PROM1: variants seen among roughly 807,000 people sequenced by gnomAD.
PROM1 encodes prominin 1, also known as prominin-1.
Under a neutral mutation model 116.9 loss-of-function variants are expected in PROM1, and 105 were observed. That is an observed-to-expected ratio of 0.90 (90% CI 0.77 to 1.06). PROM1 has a LOEUF of 1.06. PROM1 is among the 50% of genes least tolerant of loss of function. PROM1 has a pLI of 0.00. For synonymous variants in PROM1, 393 were observed against 387.0 expected (o/e 1.02, Z -0.18); for missense variants, 1,122 against 1,045.2 (o/e 1.07, Z -1.01).
At chr4:16,063,188 G>T (rs1008375915) in intron 2 of PROM1, among the ~76,000 whole-genome samples, 1 of 152,290 alleles carries the variant, frequency 6.6e-6, no homozygotes, top group South Asian at 2.1e-4. Context: ...ACACCATAAA[G>T]GTGCAACCAG....
chr4:16,083,765 C>G (rs1391218307), intron 1 of PROM1: 1 of 152,164 alleles, frequency 6.6e-6, no homozygotes, highest in Non-Finnish European at 1.5e-5. Context: ...TATGACCCGG[C>G]TTCTGGGACC....
intron 13 of PROM1, among the ~76,000 whole-genome samples, chr4:16,004,461 A>G (rs1724652086): frequency 6.6e-6 from 1 of 152,172 alleles, no homozygotes; most frequent in South Asian, 2.1e-4. Flanking sequence ...AAAAAGTGTG[A>G]ATAAAATTTC....
At chr4:15,973,739 A>G (rs2148990003) in intron 26 of PROM1, among the ~76,000 whole-genome samples, 1 of 152,164 alleles carries the variant, frequency 6.6e-6, no homozygotes, top group Admixed American at 6.6e-5. Context: ...TGGTCTTTCC[A>G]CCCGTTTTGG....
intron 23 of PROM1, among the ~76,000 whole-genome samples, chr4:15,983,486 G>A (rs1439754196): frequency 1.3e-5 from 2 of 152,198 alleles, no homozygotes; most frequent in Non-Finnish European, 1.5e-5. Context: ...AGGTCTTAAA[G>A]TGGGGAGTGG....
At chr4:15,973,544 G>A (rs777608760) in intron 26 of PROM1, among the ~76,000 whole-genome samples, 1 of 152,094 alleles carries the variant, frequency 6.6e-6, no homozygotes, top group Non-Finnish European at 1.5e-5. Context: ...TATTTTGTTG[G>A]GCCCCCATGG....
intron 2 of PROM1, among the ~76,000 whole-genome samples, chr4:16,052,004 G>A (rs908286164): frequency 2.0e-5 from 3 of 152,140 alleles, no homozygotes; most frequent in Admixed American, 2.0e-4. Context: ...AAAAGGGAGG[G>A]AATGAAATGC....
chr4:15,978,673 C>T (rs978476710), intron 26 of PROM1, among the ~76,000 whole-genome samples: 2 of 152,188 alleles, frequency 1.3e-5, no homozygotes, highest in Non-Finnish European at 2.9e-5. Context: ...GGAGCACTGG[C>T]GGGCCAGCTG....
rs142552664 is a variant in PROM1 at position 16,035,695 on chromosome 4, C to A, written c.303+40G>T. On this transcript the variant is annotated intron_variant, in intron 4 of 27. Coordinates refer to ENST00000447510, the MANE Select transcript of PROM1 (RefSeq NM_006017.3). ...AGGATGACAGTGAAGAACAGAAAGG[C>A]TTTCCAAGAGCAACTTGAAATAGCA... The A allele has an allele frequency of 1.7e-4, 275 of 1,578,066 alleles. No homozygotes were observed. In the African/African-American group the frequency reaches 3.4e-3, roughly 19 times the overall value.
At position 15,991,286 on chromosome 4, in the gene PROM1, T is replaced by A; in HGVS notation, c.1919A>T (p.Lys640Ile). 1 of 1,601,862 alleles carries A rather than the reference T, an allele frequency of 6.2e-7. No individual in the cohort carries two copies. Among genetic ancestry groups the A allele is most frequent in the South Asian group, 1.1e-5 (1 of 88,044 alleles). Reference sequence around the variant, plus strand: ...TAAAAGATTCACTCCTGCGGGGGATTTACCAGTCTACAATAGAAGTGAAAA... The same window carrying A: ...TAAAAGATTCACTCCTGCGGGGGATATACCAGTCTACAATAGAAGTGAAAA... ...NYDSYLAQTG[K>I]SPAGVNLLSF... Residue 640 changes from lysine to isoleucine, a missense_variant, in exon 18 of 28, where the codon AAA becomes ATA. Transcript: ENST00000447510.
At chr4:16,011,149 T>G (rs1310644198) in intron 11 of PROM1, among the ~76,000 whole-genome samples, 1 of 152,126 alleles carries the variant, frequency 6.6e-6, no homozygotes, top group Non-Finnish European at 1.5e-5. Flanking sequence ...GACAACTCTC[T>G]ATGTGGCTGG....
intron 11 of PROM1, 106 bp downstream of exon 11, chr4:16,013,169 A>G: frequency 1.1e-6 from 1 of 893,552 alleles, no homozygotes; most frequent in Non-Finnish European, 1.8e-6. Context: ...GACAGCTTTA[A>G]TGAGAAACTG....
chr4:16,026,196 C>T (rs1235181689), intron 5 of PROM1, among the ~76,000 whole-genome samples: 1 of 152,074 alleles, frequency 6.6e-6, no homozygotes, highest in African/African-American at 2.4e-5. Context: ...TTTTTCAAGC[C>T]ATCTAAAATG....
chr4:16,036,719 T>C (rs1400772), intron 3 of PROM1, among the ~76,000 whole-genome samples: 19,608 of 152,254 alleles, frequency 0.13, 1,690 homozygotes, highest in East Asian at 0.32. Context: ...CCTGGAGTCA[T>C]TGGTGTAGGG....
intron 5 of PROM1, 75 bp downstream of exon 5, chr4:16,033,229 G>T: frequency 2.3e-6 from 3 of 1,299,432 alleles, no homozygotes; most frequent in Non-Finnish European, 3.2e-6. Context: ...TTAAACTCAT[G>T]GTTTAACCAT....
chr4:16,058,324 A>G (rs1739505452), intron 2 of PROM1, among the ~76,000 whole-genome samples: 1 of 152,236 alleles, frequency 6.6e-6, no homozygotes, highest in African/African-American at 2.4e-5. Flanking sequence ...CTTTTCAAAA[A>G]GATAAAATTC....
At chr4:16,041,777 AATAAATAAATATATAT>A (rs1439055376) in intron 2 of PROM1, among the ~76,000 whole-genome samples, 1,755 of 26,768 alleles carry the variant, frequency 0.066, 38 homozygotes, top group African/African-American at 0.15. Flanking sequence ...TAAATAAATA[AATAAATAAATATATAT>A]ATATATATAT....
chr4:16,034,724 G>C (rs1427748822), intron 4 of PROM1, among the ~76,000 whole-genome samples: 1 of 152,174 alleles, frequency 6.6e-6, no homozygotes, highest in Non-Finnish European at 1.5e-5. Flanking sequence ...AATCTAGACA[G>C]CTGCGAATTC....
At chr4:16,014,335 T>A (rs1226870109) in intron 10 of PROM1, among the ~76,000 whole-genome samples, 1 of 152,230 alleles carries the variant, frequency 6.6e-6, no homozygotes, top group East Asian at 1.9e-4. Flanking sequence ...TGGTTTTCTA[T>A]ATGCCTGACT....
intron 2 of PROM1, among the ~76,000 whole-genome samples, chr4:16,068,612 A>C (rs1024966588): frequency 6.6e-6 from 1 of 152,216 alleles, no homozygotes; most frequent in African/African-American, 2.4e-5. Context: ...TGCTGGACTC[A>C]CTGCGACATT....
Sources: allele counts gnomAD v4.1 joint callset (sites outside exome capture counted in the v4.1 genomes callset), GRCh38; gene constraint gnomAD v4.1.1; transcripts MANE v1.5; gene names NCBI Gene and HGNC (gene_info 2026-07-23, HGNC 2026-07-21).